Variants in RYR1 observed in about 807,000 individuals in gnomAD.
RYR1 encodes ryanodine receptor 1, also known as central core disease of muscle.
In RYR1, 342 loss-of-function variants were observed where a neutral mutation model predicts 583.5. The observed-to-expected ratio is 0.59, with a 90% CI of 0.54 to 0.64. RYR1 has a LOEUF of 0.64. RYR1 is among the 30% of genes least tolerant of loss of function. The probability of loss-of-function intolerance (pLI) is 0.00; values close to 1 mark genes in which losing one functional copy is unlikely to be tolerated. For missense variants in RYR1, 6,032 were observed against 6,917.2 expected, an observed-to-expected ratio of 0.87 and a Z score of 4.54; for synonymous variants, 2,791 against 2,822.5, an observed-to-expected ratio of 0.99 and a Z score of 0.35.
At position 38,561,451 on chromosome 19, in the gene RYR1, C is replaced by G. The variant is rs530317670; in HGVS notation, c.12621C>G (p.Pro4207=). Residue 4207 remains proline (P), a synonymous_variant, in exon 90 of 106, where the codon CCC becomes CCG. Transcript: ENST00000359596. The surrounding 1 kb of genome is among the most constrained non-coding windows in gnomAD (Gnocchi z 4.8). ...CCAACCGCGCCCAGTGGGAGATGCC[C>G]CAGGTCAGGGAACCCGCGCGCGTGC... The part of the protein sequence containing the change: ...SETNRAQWEM[P]QVKESKRQFI... The G allele has an allele frequency of 6.2e-7, 1 of 1,606,610 alleles. No homozygotes were observed. Among genetic ancestry groups the G allele is most frequent in the South Asian group, 1.1e-5 (1 of 91,038 alleles).
At chr19:38,557,055 T>TTTC (rs1188578439) in intron 89 of RYR1, among the ~76,000 whole-genome samples, 7 of 144,212 alleles carry the variant, frequency 4.9e-5, no homozygotes, top group Non-Finnish European at 7.6e-5. Flanking sequence ...TCATTTCTTT[T>TTTC]TTTTTTTTTT....
intron 9 of RYR1, 23 bp from the exon 10 acceptor site, chr19:38,448,332 C>T (rs1966894887): frequency 1.2e-6 from 2 of 1,603,188 alleles, no homozygotes; most frequent in Non-Finnish European, 1.7e-6. Flanking sequence ...CCTCTGACTC[C>T]CCTTGGCTCT....
At position 38,528,398 on chromosome 19, in the gene RYR1, G is replaced by T; in HGVS notation, c.10917G>T (p.Thr3639=). Residue 3639 remains threonine, a synonymous_variant, in exon 74 of 106, where the codon ACG becomes ACT. Coordinates refer to ENST00000359596, the MANE Select transcript of RYR1 (RefSeq NM_000540.3). ...CAGTCGTGGCCTGTTTCCGTATGAC[G>T]CCCCTGTACAACCTGCCCACGTAAG... The part of the protein sequence containing the change: ...RRAVVACFRM[T]PLYNLPTHRA... 1 of 1,614,102 alleles carries T rather than the reference G, an allele frequency of 6.2e-7. No individual in the cohort carries two copies. Among genetic ancestry groups the T allele is most frequent in the Non-Finnish European group, 8.5e-7 (1 of 1,180,024 alleles).
Position 38,543,835 on chromosome 19 carries a change from T to C in RYR1, c.11972T>C (p.Phe3991Ser). 1 of 1,613,926 alleles carries C rather than the reference T, an allele frequency of 6.2e-7. No homozygotes were observed. Reference sequence around the variant, plus strand: ...CGCCTATGGGACGCAGTGGTGGGATTCCTGCACGTGTTCGCCCACATGATG... The same window carrying C: ...CGCCTATGGGACGCAGTGGTGGGATCCCTGCACGTGTTCGCCCACATGATG... ...HSRLWDAVVGFLHVFAHMMMK... is the reference protein window; with the variant it reads ...HSRLWDAVVGSLHVFAHMMMK... The change falls in exon 87 of 106, where the codon TTC becomes TCC. Residue 3991 changes from phenylalanine (F) to serine (S), a missense_variant. Transcript: ENST00000359596. The surrounding 1 kb of genome is among the most constrained non-coding windows in gnomAD (Gnocchi z 4.4).
At chr19:38,582,619 C>G (rs749431012) in intron 101 of RYR1, among the ~76,000 whole-genome samples, 3 of 152,094 alleles carry the variant, frequency 2.0e-5, no homozygotes, top group Admixed American at 6.6e-5. Context: ...CCACTGCACT[C>G]CAGCCTGGGT....
chr19:38,524,176 C>A, intron 70 of RYR1, among the ~76,000 whole-genome samples: 1 of 119,698 alleles, frequency 8.4e-6, no homozygotes, highest in African/African-American at 3.2e-5. Flanking sequence ...TTTTTCTGGA[C>A]TTTTGTTCCC....
chr19:38,574,625 C>G (rs1169985525), intron 96 of RYR1, among the ~76,000 whole-genome samples: 1 of 151,628 alleles, frequency 6.6e-6, no homozygotes, highest in African/African-American at 2.4e-5. Flanking sequence ...GAGCAAGACC[C>G]TATGTCTGGG....
At chr19:38,564,389 G>A (rs187958355) in intron 90 of RYR1, among the ~76,000 whole-genome samples, 1 of 152,200 alleles carries the variant, frequency 6.6e-6, no homozygotes, top group Admixed American at 6.5e-5. Context: ...GCCCAGCATG[G>A]TGGCAGGCGC....
At chr19:38,583,719 T>A (rs991303839) in intron 101 of RYR1, among the ~76,000 whole-genome samples, 3 of 152,078 alleles carry the variant, frequency 2.0e-5, no homozygotes, top group East Asian at 1.9e-4. Context: ...CTGTGTGTTT[T>A]CTCCCAATTC....
In RYR1 at chr19:38,502,975, G is replaced by A. The variant is rs1555784807; in HGVS notation, c.7926+5G>A. 1 of 1,607,444 alleles carries A rather than the reference G, an allele frequency of 6.2e-7. No homozygotes were observed. Among genetic ancestry groups the A allele is most frequent in the Non-Finnish European group, 8.5e-7 (1 of 1,179,926 alleles). On this transcript the variant is annotated splice_donor_5th_base_variant and intron_variant, in intron 49 of 105. Transcript: ENST00000359596. ...TTCGCCAAGATGCCACTCAAGGTGA[G>A]GGCAAGCGCTCTTTAGCATCTCATT...
chr19:38,545,092 A>T (rs1972366937), intron 87 of RYR1, among the ~76,000 whole-genome samples: 1 of 151,988 alleles, frequency 6.6e-6, no homozygotes, highest in South Asian at 2.1e-4. Flanking sequence ...AAAACCTGAG[A>T]TTCTCTCTGA....
chr19:38,525,597 G>GC lies in RYR1; in HGVS notation c.10626+101dup. 3.7e-6 allele frequency: 5 copies of GC among 1,354,112 alleles called. No homozygotes were observed. In the Admixed American group the frequency reaches 5.9e-5, roughly 16 times the overall value. The allele number at this position is 1,354,112 out of a possible 1,614,324, so 83.9% of individuals were successfully genotyped here. ...TAGGGAACAACCACAATGCCACTGA[G>GC]CCCCCCAGGTCCCTGGGAGCCTTCC... On this transcript the variant is annotated intron_variant, in intron 71 of 105. Coordinates refer to ENST00000359596, the MANE Select transcript of RYR1 (RefSeq NM_000540.3).
At position 38,452,514 on chromosome 19, in the gene RYR1, A is replaced by G. The variant is rs116811995; in HGVS notation, c.1245-305A>G. 3.5e-3 allele frequency among the ~76,000 whole-genome samples: 540 copies of G among 152,226 alleles called. 2 individuals are homozygous for G. Among genetic ancestry groups the G allele is most frequent in the African/African-American group, 0.013 (522 of 41,526 alleles). On this transcript the variant is annotated intron_variant, in intron 12 of 105. Transcript: ENST00000359596. Reference sequence around the variant, plus strand: ...ACTTGACCCCTAATCTGACCTTGACAACCATGATCACATTCCTGATCATCA... The same window carrying G: ...ACTTGACCCCTAATCTGACCTTGACGACCATGATCACATTCCTGATCATCA...
chr19:38,560,855 CA>C (rs1266325529), intron 89 of RYR1, among the ~76,000 whole-genome samples: 4 of 148,674 alleles, frequency 2.7e-5, no homozygotes, highest in South Asian at 2.1e-4. Context: ...CTTATCTCTA[CA>C]AAAAAAAATT....
At chr19:38,551,008 TCAGTGTGGATTCACGGC>T in intron 89 of RYR1, among the ~76,000 whole-genome samples, 1 of 146,834 alleles carries the variant, frequency 6.8e-6, no homozygotes, top group Admixed American at 6.9e-5. Context: ...TTCATTTATA[TCAGTGTGGATTCACGGC>T]TTTTTTTTTT....
chr19:38,494,838 A>G (rs917173975), intron 39 of RYR1, among the ~76,000 whole-genome samples: 1 of 140,942 alleles, frequency 7.1e-6, no homozygotes, highest in African/African-American at 2.7e-5. Context: ...TCAGCAGGAC[A>G]TTCCCCACCC....
chr19:38,546,081 A>T (rs1171357305), intron 87 of RYR1, among the ~76,000 whole-genome samples: 1 of 152,104 alleles, frequency 6.6e-6, no homozygotes, highest in Non-Finnish European at 1.5e-5. Flanking sequence ...TAGGCCAGGC[A>T]CAGTGCTGGG....
Position 38,547,035 on chromosome 19 carries a change from C to CT in RYR1, c.12094+523dup, listed in dbSNP as rs34666293. 4.0e-3 allele frequency among the ~76,000 whole-genome samples: 560 copies of CT among 138,970 alleles called. 3 individuals carry two copies. The highest frequency in any genetic ancestry group is 0.012 in the African/African-American group (463 of 37,844). The allele number at this position is 138,970 out of a possible 152,430, so 91.2% of individuals were successfully genotyped here. ...GATGAATGTGGATATATTAGGATCC[C>CT]TTTTTTTTTTTTTTCTTTTCTGAGA... On this transcript the variant is annotated intron_variant, in intron 88 of 105. Transcript: ENST00000359596.
chr19:38,528,207 C>A, intron 73 of RYR1, 99 bp from the exon 74 acceptor site: 3 of 999,610 alleles, frequency 3.0e-6, no homozygotes, highest in Non-Finnish European at 4.7e-6. Flanking sequence ...GAGTCTTAAC[C>A]TGAATATGGA....
Sources: gnomAD v4.1 joint callset for allele counts (sites outside exome capture counted in the v4.1 genomes callset) on GRCh38, gnomAD v4.1.1 for gene constraint, Gnocchi (gnomAD v3.1) non-coding constraint, MANE v1.5 for transcripts, NCBI Gene and HGNC (gene_info 2026-07-23, HGNC 2026-07-21) for gene names.